The following TFDP2 variants were observed in gnomAD, a reference collection of about 807,000 sequenced individuals.
TFDP2 encodes the protein transcription factor Dp-2 (E2F dimerization partner 2).
TFDP2 carries 17 observed loss-of-function variants against 59.3 expected under a neutral mutation model. That is an observed-to-expected ratio of 0.29 (90% CI 0.20 to 0.43). The LOEUF is 0.43. Among genes scored for constraint, TFDP2 ranks in the 20% least tolerant of loss-of-function variants. TFDP2 has a pLI of 1.00. For synonymous variants in TFDP2, 180 were observed against 194.7 expected (o/e 0.92, Z 0.63); for missense variants, 391 against 528.8 (o/e 0.74, Z 2.56).
In TFDP2 at chr3:142,007,840, G is replaced by A. The variant is rs189921627; in HGVS notation, c.83-2296C>T. On this transcript the variant is annotated intron_variant, in intron 3 of 12. Transcript: ENST00000489671. ...TGCCGCTGCTGATCTGACAGGAGGC[G>A]GAGCTCAGGCAGTGATGCGAGTGAT... 9.5e-4 allele frequency among the ~76,000 whole-genome samples: 144 copies of A among 152,228 alleles called. 1 individual carries two copies. Among genetic ancestry groups the A allele is most frequent in the African/African-American group, 3.4e-3 (140 of 41,532 alleles).
chr3:141,958,914 A>T (rs1212220936), intron 11 of TFDP2, among the ~76,000 whole-genome samples: 2 of 150,878 alleles, frequency 1.3e-5, no homozygotes, highest in Non-Finnish European at 3.0e-5. Context: ...AGATATACTA[A>T]ATTTTCCATT....
intron 3 of TFDP2, among the ~76,000 whole-genome samples, chr3:142,071,822 G>T (rs371272305): frequency 6.6e-6 from 1 of 152,196 alleles, no homozygotes; most frequent in Non-Finnish European, 1.5e-5. Flanking sequence ...CAGATTTTGG[G>T]AGGGTAAAAT....
Position 142,145,714 on chromosome 3 carries a change from A to G in TFDP2, c.-93+3469T>C, listed in dbSNP as rs1001118321. Reference sequence around the variant, plus strand: ...GTGACAGAGAGAGACTCTGTCTCTAAATAAATAAATAAATAAATAAATAAT... The same window carrying G: ...GTGACAGAGAGAGACTCTGTCTCTAGATAAATAAATAAATAAATAAATAAT... On this transcript the variant is annotated intron_variant, in intron 1 of 12. Transcript: ENST00000489671. Among the ~76,000 whole-genome samples, 24 of 151,874 alleles carry G rather than the reference A, an allele frequency of 1.6e-4. No individual in the cohort carries two copies. In the South Asian group the frequency reaches 5.0e-3, roughly 32 times the overall value.
At chr3:141,974,015 A>T (rs201680951) in intron 8 of TFDP2, 33 bp downstream of exon 8, 4 of 1,588,878 alleles carry the variant, frequency 2.5e-6, no homozygotes, top group Non-Finnish European at 3.4e-6. Flanking sequence ...AAATAATGCA[A>T]ACAGCTATTC....
chr3:142,077,474 A>G (rs1214913158), intron 3 of TFDP2, among the ~76,000 whole-genome samples: 2 of 152,000 alleles, frequency 1.3e-5, no homozygotes, highest in African/African-American at 4.8e-5. Context: ...TTGTATTGCA[A>G]TTAGGATACC....
At chr3:142,021,890 A>G (rs936943185) in intron 3 of TFDP2, among the ~76,000 whole-genome samples, 1 of 152,196 alleles carries the variant, frequency 6.6e-6, no homozygotes, top group African/African-American at 2.4e-5. Flanking sequence ...TGTTCACCCA[A>G]AAACATTTGT....
intron 3 of TFDP2, among the ~76,000 whole-genome samples, chr3:142,034,052 T>C (rs1179608188): frequency 2.0e-5 from 3 of 151,906 alleles, no homozygotes; most frequent in Non-Finnish European, 4.4e-5. Context: ...AATTTTTTAG[T>C]GTGGTATCTA....
At chr3:142,013,851 AAT>A (rs1491315779) in intron 3 of TFDP2, among the ~76,000 whole-genome samples, 10 of 65,006 alleles carry the variant, frequency 1.5e-4, no homozygotes, top group African/African-American at 5.3e-4. Flanking sequence ...AATGAAAAAA[AAT>A]ATCCAGTTAC....
At chr3:141,977,838 G>A (rs186999975) in intron 7 of TFDP2, among the ~76,000 whole-genome samples, 1 of 151,730 alleles carries the variant, frequency 6.6e-6, no homozygotes, top group African/African-American at 2.4e-5. Context: ...AGCCTCCTGA[G>A]TAGCTGGGAT....
At chr3:141,982,991 T>A (rs1941652016) in intron 6 of TFDP2, among the ~76,000 whole-genome samples, 1 of 152,226 alleles carries the variant, frequency 6.6e-6, no homozygotes, top group Non-Finnish European at 1.5e-5. Flanking sequence ...GAAATGCATA[T>A]AACATATGGT....
chr3:142,012,488 A>G (rs1023014886), intron 3 of TFDP2, among the ~76,000 whole-genome samples: 1 of 152,238 alleles, frequency 6.6e-6, no homozygotes, highest in African/African-American at 2.4e-5. Context: ...GAACAATTCT[A>G]CATGTCCTGG....
intron 3 of TFDP2, among the ~76,000 whole-genome samples, chr3:142,005,910 T>C (rs916958840): frequency 6.7e-6 from 1 of 149,684 alleles, no homozygotes; most frequent in African/African-American, 2.4e-5. Flanking sequence ...AGATCTTTAA[T>C]AGACATAACA....
At chr3:142,117,675 T>C (rs961001945) in intron 1 of TFDP2, among the ~76,000 whole-genome samples, 4 of 152,156 alleles carry the variant, frequency 2.6e-5, no homozygotes, top group African/African-American at 9.7e-5. Context: ...GTCTTGTGTC[T>C]AGAAACTTCT....
intron 3 of TFDP2, among the ~76,000 whole-genome samples, chr3:142,036,178 T>C (rs1224383833): frequency 6.6e-6 from 1 of 152,222 alleles, no homozygotes; most frequent in East Asian, 1.9e-4. Flanking sequence ...TGGTTCCTCA[T>C]TAAATAGATA....
At position 141,950,830 on chromosome 3, in the gene TFDP2, C is replaced by T. The variant is rs2107818090; in HGVS notation, c.*1683G>A. On this transcript the variant is annotated 3_prime_UTR_variant, in exon 13 of 13. Transcript: ENST00000489671. ...GGTCTGAGAGGTGTGCTCCAGAACC[C>T]ACGATAAGACCGAGTTCTCTAGAAA... The T allele has an allele frequency of 6.6e-6, 1 of 152,598 alleles. No homozygotes were observed. Among genetic ancestry groups the T allele is most frequent in the East Asian group, 1.9e-4 (1 of 5,176 alleles). The allele number at this position is 152,598 out of a possible 1,614,324, so 9.5% of individuals were successfully genotyped here.
intron 3 of TFDP2, among the ~76,000 whole-genome samples, chr3:142,081,915 T>C (rs1169740766): frequency 6.6e-6 from 1 of 152,170 alleles, no homozygotes; most frequent in Non-Finnish European, 1.5e-5. Flanking sequence ...GAAGAACTGA[T>C]ATCCATCTTA....
chr3:142,011,681 CT>C (rs1376915810), intron 3 of TFDP2, among the ~76,000 whole-genome samples: 1 of 141,238 alleles, frequency 7.1e-6, no homozygotes, highest in African/African-American at 2.6e-5. Context: ...TTTTTGCATA[CT>C]AGACTGATAA....
intron 3 of TFDP2, chr3:142,028,511 C>T: frequency 1.0e-6 from 1 of 959,754 alleles, no homozygotes; most frequent in Non-Finnish European, 1.2e-6. Context: ...ATTGCTGCTG[C>T]TTAAAGAATA....
intron 1 of TFDP2, 110 bp from the exon 2 acceptor site, chr3:142,101,951 A>G: frequency 2.4e-6 from 1 of 417,438 alleles, no homozygotes; most frequent in Non-Finnish European, 4.3e-6. Context: ...GTCTAAATTA[A>G]TCTTCACAAC....
Sources: allele counts gnomAD v4.1 joint callset (sites outside exome capture counted in the v4.1 genomes callset), GRCh38; gene constraint gnomAD v4.1.1; transcripts MANE v1.5; gene names NCBI Gene and HGNC (gene_info 2026-07-23, HGNC 2026-07-21).